The following TMEM132D variants were observed in gnomAD, a reference collection of about 807,000 sequenced individuals.
TMEM132D encodes the protein transmembrane protein 132D, also known as mature OL transmembrane protein.
Under a neutral mutation model 62.3 loss-of-function variants are expected in TMEM132D, and 21 were observed. The observed-to-expected ratio is 0.34, with a 90% confidence interval of 0.24 to 0.49. The LOEUF (loss-of-function observed/expected upper bound fraction) is 0.49. Ranked by LOEUF, TMEM132D falls within the 20% of genes least tolerant of loss-of-function variation. The pLI is 0.99. For synonymous variants in TMEM132D, 621 were observed against 575.6 expected, an observed-to-expected ratio of 1.08 and a Z score of -1.13; for missense variants, 1,346 against 1,402.8, an observed-to-expected ratio of 0.96 and a Z score of 0.65.
intron 3 of TMEM132D, among the ~76,000 whole-genome samples, chr12:129,527,531 A>G (rs1876083937): frequency 6.6e-6 from 1 of 152,222 alleles, no homozygotes; most frequent in African/African-American, 2.4e-5. Flanking sequence ...GTCTTGCTGG[A>G]GAACTTAAAT....
chr12:129,513,078 G>A (rs1875542755), intron 3 of TMEM132D, among the ~76,000 whole-genome samples: 1 of 152,178 alleles, frequency 6.6e-6, no homozygotes, highest in African/African-American at 2.4e-5. Context: ...CTGAGGCTGG[G>A]TAACTTATAG....
At chr12:129,334,963 T>C (rs1265118271) in intron 4 of TMEM132D, among the ~76,000 whole-genome samples, 1 of 152,148 alleles carries the variant, frequency 6.6e-6, no homozygotes, top group African/African-American at 2.4e-5. Flanking sequence ...CTACCACTCT[T>C]CTTATGTTGT....
intron 1 of TMEM132D, among the ~76,000 whole-genome samples, chr12:129,778,114 CA>C (rs35384142): frequency 0.15 from 13,053 of 84,938 alleles, 575 homozygotes; most frequent in South Asian, 0.26. Context: ...GACCCTGTCT[CA>C]AAAAAAAAAA....
At chr12:129,439,077 T>A (rs369635723) in intron 3 of TMEM132D, among the ~76,000 whole-genome samples, 31 of 152,210 alleles carry the variant, frequency 2.0e-4, no homozygotes, top group African/African-American at 7.5e-4. Context: ...ATGTACACTT[T>A]CCTTGCAAGA....
Position 129,556,361 on chromosome 12 carries a change from G to A in TMEM132D, c.969-25156C>T, listed in dbSNP as rs1485243084. On this transcript the variant is annotated intron_variant, in intron 2 of 8. Transcript: ENST00000422113. Reference sequence around the variant, plus strand: ...CTGGATCGGCACCGAGCAGAGGCAGGTCCCGAAGACTCTGCTCCATGGGTC... The same window carrying A: ...CTGGATCGGCACCGAGCAGAGGCAGATCCCGAAGACTCTGCTCCATGGGTC... Among the ~76,000 whole-genome samples the A allele has an allele frequency of 2.0e-5, 3 of 152,116 alleles. No homozygotes were observed. In the East Asian group the frequency reaches 5.8e-4, roughly 29 times the overall value.
chr12:129,295,738 T>A (rs150875786), intron 4 of TMEM132D, among the ~76,000 whole-genome samples: 1 of 152,192 alleles, frequency 6.6e-6, no homozygotes, highest in Non-Finnish European at 1.5e-5. Flanking sequence ...CAAGTTCTTA[T>A]ACAAAAGTCT....
At chr12:129,868,760 GCTTGCGATGCAAGGAA>G (rs1397406564) in intron 1 of TMEM132D, among the ~76,000 whole-genome samples, 1 of 152,196 alleles carries the variant, frequency 6.6e-6, no homozygotes, top group Non-Finnish European at 1.5e-5. Context: ...CTGTCCAGCT[GCTTGCGATGCAAGGAA>G]CGCGGCCTCT....
chr12:129,269,494 G>C (rs941655578), intron 4 of TMEM132D, among the ~76,000 whole-genome samples: 1 of 151,940 alleles, frequency 6.6e-6, no homozygotes, highest in Non-Finnish European at 1.5e-5. Flanking sequence ...CAACACTCTG[G>C]CTTAGAATGG....
chr12:129,446,769 T>C (rs763868411), intron 3 of TMEM132D, among the ~76,000 whole-genome samples: 1 of 152,208 alleles, frequency 6.6e-6, no homozygotes, highest in Non-Finnish European at 1.5e-5. Flanking sequence ...TTTTTCACAA[T>C]TTCCCCCTCT....
intron 4 of TMEM132D, among the ~76,000 whole-genome samples, chr12:129,252,437 C>G (rs1373203724): frequency 6.6e-6 from 1 of 152,100 alleles, no homozygotes; most frequent in Non-Finnish European, 1.5e-5. Context: ...TGGGAAGCAG[C>G]AAGAATCCAG....
rs549245179 is a variant in TMEM132D at position 129,082,090 on chromosome 12, C to A, written c.1650-58G>T. ...TACTTGTTGGTCCTCTGTAAGGGGC[C>A]GTGTGTGGAGCCTGGTGGGGGCTGC... On this transcript the variant is annotated intron_variant, in intron 6 of 8. Transcript: ENST00000422113. 2.0e-6 allele frequency: 3 copies of A among 1,538,296 alleles called. No homozygotes were observed. The South Asian group carries it at 3.8e-5, about 19-fold the overall frequency.
At chr12:129,537,463 T>C (rs1284425391) in intron 2 of TMEM132D, among the ~76,000 whole-genome samples, 1 of 152,192 alleles carries the variant, frequency 6.6e-6, no homozygotes, top group Admixed American at 6.5e-5. Flanking sequence ...GGCAGCCATG[T>C]GACAAGGAAG....
intron 3 of TMEM132D, chr12:129,521,708 C>A (rs891747554): frequency 6.6e-6 from 1 of 152,180 alleles, no homozygotes; most frequent in Non-Finnish European, 1.5e-5. Flanking sequence ...GTTTTCTCAA[C>A]GCTTCTGTCG....
intron 1 of TMEM132D, among the ~76,000 whole-genome samples, chr12:129,846,282 G>A (rs1027931155): frequency 6.6e-6 from 1 of 152,122 alleles, no homozygotes; most frequent in East Asian, 1.9e-4. Flanking sequence ...TCTTAGAGCT[G>A]GTTTTCCTTC....
chr12:129,102,190 T>C (rs958227146), intron 5 of TMEM132D, among the ~76,000 whole-genome samples: 23 of 152,198 alleles, frequency 1.5e-4, no homozygotes, highest in African/African-American at 5.5e-4. Context: ...TAAACGAGGC[T>C]GCATTCATGA....
intron 5 of TMEM132D, among the ~76,000 whole-genome samples, chr12:129,152,612 TAGATGGGG>T (rs111362000): frequency 8.5e-5 from 13 of 152,268 alleles, no homozygotes; most frequent in African/African-American, 3.1e-4. Flanking sequence ...TTTTGCTCAC[TAGATGGGG>T]AGAGAGGTCT....
At chr12:129,672,304 C>T (rs1452799611) in intron 2 of TMEM132D, among the ~76,000 whole-genome samples, 1 of 152,176 alleles carries the variant, frequency 6.6e-6, no homozygotes, top group Admixed American at 6.5e-5. Context: ...CCTACATAAC[C>T]CTGCGCACTC....
intron 5 of TMEM132D, among the ~76,000 whole-genome samples, chr12:129,183,797 C>T (rs1435304522): frequency 2.1e-5 from 3 of 145,912 alleles, no homozygotes; most frequent in Admixed American, 6.7e-5. Context: ...TAGTGGCTGT[C>T]CCCTTGGGTA....
intron 2 of TMEM132D, among the ~76,000 whole-genome samples, chr12:129,605,589 A>ATATATATATC (rs1878596969): frequency 1.7e-5 from 1 of 58,824 alleles, no homozygotes; most frequent in Admixed American, 1.5e-4. Context: ...ATTAGGCATT[A>ATATATATATC]TATATATATA....
Sources: gnomAD v4.1 joint callset for allele counts (sites outside exome capture counted in the v4.1 genomes callset) on GRCh38, gnomAD v4.1.1 for gene constraint, MANE v1.5 for transcripts, NCBI Gene and HGNC (gene_info 2026-07-23, HGNC 2026-07-21) for gene names.